The following MROH9 variants were observed in gnomAD, a reference collection of about 807,000 sequenced individuals.
MROH9 encodes the protein maestro heat like repeat family member 9, also known as maestro heat-like repeat-containing protein family member 9.
In MROH9, 92 loss-of-function variants were observed where a neutral mutation model predicts 98.2. That is an observed-to-expected ratio of 0.94 (90% confidence interval 0.79 to 1.11). The LOEUF (loss-of-function observed/expected upper bound fraction) is 1.11, where lower values mean the gene tolerates loss of function less well. Among genes scored for constraint, MROH9 ranks in the 50% most tolerant of loss-of-function variants. The pLI is 0.00. For synonymous variants in MROH9, 397 were observed against 368.9 expected, an observed-to-expected ratio of 1.08 and a Z score of -0.87; for missense variants, 1,057 against 1,014.8, an observed-to-expected ratio of 1.04 and a Z score of -0.57.
At chr1:170,981,478 G>A (rs1571472675) in intron 8 of MROH9, among the ~76,000 whole-genome samples, 1 of 152,236 alleles carries the variant, frequency 6.6e-6, no homozygotes, top group Non-Finnish European at 1.5e-5. Context: ...GATGAAGCTG[G>A]AAGCCATTAT....
chr1:170,947,601 CG>C (rs768710064), intron 3 of MROH9, 28 bp downstream of exon 3: 1 of 1,576,820 alleles, frequency 6.3e-7, no homozygotes, highest in South Asian at 1.1e-5. Context: ...AGGATATCAA[CG>C]TAACTGAATT....
intron 12 of MROH9, among the ~76,000 whole-genome samples, chr1:170,993,395 C>T (rs773435676): frequency 5.3e-5 from 8 of 152,130 alleles, no homozygotes; most frequent in Admixed American, 5.2e-4. Flanking sequence ...TAAATTAAAG[C>T]CACATATGCC....
chr1:170,983,582 T>G, intron 9 of MROH9, 48 bp downstream of exon 9: 2 of 1,056,920 alleles, frequency 1.9e-6, no homozygotes, highest in Non-Finnish European at 2.9e-6. Context: ...ATGTGTATGA[T>G]TACTCTTAGT....
intron 20 of MROH9, among the ~76,000 whole-genome samples, chr1:171,042,896 C>G (rs988901315): frequency 1.3e-5 from 2 of 152,090 alleles, no homozygotes; most frequent in African/African-American, 2.4e-5. Context: ...AACCTCTTGT[C>G]AGATAAGTAG....
chr1:171,005,352 T>C (rs1476083173), intron 15 of MROH9, among the ~76,000 whole-genome samples: 7 of 152,344 alleles, frequency 4.6e-5, no homozygotes, highest in East Asian at 1.9e-4. Context: ...ATTACAGGCA[T>C]GAGCCATCAC....
chr1:171,052,660 A>C (rs1324891541), intron 20 of MROH9, among the ~76,000 whole-genome samples: 1 of 152,172 alleles, frequency 6.6e-6, no homozygotes, highest in Non-Finnish European at 1.5e-5. Flanking sequence ...CAGAGAAATC[A>C]CTACTGCCCA....
intron 15 of MROH9, among the ~76,000 whole-genome samples, 157 bp from the exon 16 acceptor site, chr1:171,013,960 G>A (rs1182121911): frequency 6.6e-6 from 1 of 151,372 alleles, no homozygotes; most frequent in Non-Finnish European, 1.5e-5. Flanking sequence ...TATCCTGATT[G>A]TTGTCTCTCC....
rs541433248 is a variant in MROH9 at position 170,967,277 on chromosome 1, C to T, written c.480+2022C>T. ...GGAAGTACTTCAGTATTTTCCAGAA[C>T]ATTGAAACTAGAGCTAGAATCAACC... is the stretch of plus-strand genomic sequence containing the variant. On this transcript the variant is annotated intron_variant, in intron 7 of 21. Transcript: ENST00000367759. Among the ~76,000 whole-genome samples the T allele has an allele frequency of 6.6e-5, 10 of 152,246 alleles. No homozygotes were observed. In the South Asian group the frequency reaches 1.9e-3, roughly 28 times the overall value.
chr1:170,961,333 A>C (rs1422707746), intron 5 of MROH9, among the ~76,000 whole-genome samples: 1 of 152,220 alleles, frequency 6.6e-6, no homozygotes, highest in African/African-American at 2.4e-5. Context: ...CTAAATGTTC[A>C]CCATTAGAAT....
intron 2 of MROH9, among the ~76,000 whole-genome samples, chr1:170,946,451 T>C (rs1649334785): frequency 6.6e-6 from 1 of 151,910 alleles, no homozygotes; most frequent in African/African-American, 2.4e-5. Flanking sequence ...CTGGACTGGA[T>C]CCCAGAACCA....
chr1:170,956,604 T>C (rs950241050), intron 3 of MROH9, among the ~76,000 whole-genome samples: 1 of 149,618 alleles, frequency 6.7e-6, no homozygotes, highest in Non-Finnish European at 1.5e-5. Context: ...TGTTTTTTTT[T>C]TTTTTTGCAG....
At chr1:171,008,949 CAT>C (rs889843810) in intron 15 of MROH9, among the ~76,000 whole-genome samples, 6 of 151,600 alleles carry the variant, frequency 4.0e-5, no homozygotes, top group Admixed American at 1.3e-4. Context: ...CTTTGGGAAA[CAT>C]ATACATATGC....
intron 3 of MROH9, among the ~76,000 whole-genome samples, chr1:170,952,611 GA>G (rs1649599458): frequency 1.6e-5 from 2 of 128,920 alleles, no homozygotes; most frequent in African/African-American, 5.7e-5. Context: ...GGAGTTGGGG[GA>G]GGGGGGAGGG....
chr1:170,984,047 A>G (rs1651033614), intron 9 of MROH9, among the ~76,000 whole-genome samples: 1 of 152,236 alleles, frequency 6.6e-6, no homozygotes, highest in East Asian at 1.9e-4. Flanking sequence ...GACCCTTGGG[A>G]GAACTGTGAG....
At chr1:170,986,448 G>A (rs1005558848) in intron 9 of MROH9, 113 bp from the exon 10 acceptor site, 18 of 1,029,270 alleles carry the variant, frequency 1.7e-5, no homozygotes, top group South Asian at 5.6e-5. Context: ...TATGGCCCAC[G>A]GAAGACTTGT....
intron 10 of MROH9, 49 bp from the exon 11 acceptor site, chr1:170,989,806 T>A: frequency 1.3e-6 from 2 of 1,537,434 alleles, no homozygotes; most frequent in Non-Finnish European, 1.8e-6. Context: ...GGTTTAGAGG[T>A]GACCATGGAA....
chr1:170,978,798 C>T (rs532012754), intron 8 of MROH9, among the ~76,000 whole-genome samples: 3 of 152,206 alleles, frequency 2.0e-5, no homozygotes, highest in South Asian at 2.1e-4. Context: ...AATAGCCCAG[C>T]CACTTTTTCA....
chr1:171,034,423 A>C (rs1418590523), intron 20 of MROH9, among the ~76,000 whole-genome samples: 2 of 152,190 alleles, frequency 1.3e-5, no homozygotes, highest in Non-Finnish European at 2.9e-5. Flanking sequence ...TCAAGTCTCT[A>C]CTACTTTTTA....
intron 20 of MROH9, among the ~76,000 whole-genome samples, chr1:171,061,221 C>T (rs1187745916): frequency 6.6e-6 from 1 of 152,156 alleles, no homozygotes. Flanking sequence ...TTAACAGTAT[C>T]AATTGTTCGG....
Sources: allele counts gnomAD v4.1 joint callset (sites outside exome capture counted in the v4.1 genomes callset), GRCh38; gene constraint gnomAD v4.1.1; transcripts MANE v1.5; gene names NCBI Gene and HGNC (gene_info 2026-07-23, HGNC 2026-07-21).